The following SPMIP2 variants were observed in gnomAD, a reference collection of about 807,000 sequenced individuals.
The protein encoded by SPMIP2 is sperm microtubule inner protein 2.
At chr4:159,079,656 C>T in the SPMIP2 span, among the ~76,000 whole-genome samples, 30 of 152,202 alleles carry the variant, frequency 2.0e-4, no homozygotes, top group African/African-American at 7.0e-4. Context: ...ATATTTAAAG[C>T]ACAAAAATTT....
the SPMIP2 span, among the ~76,000 whole-genome samples, chr4:158,946,627 A>G: frequency 6.6e-5 from 10 of 152,140 alleles, no homozygotes. Context: ...AGAACTGTGC[A>G]CCAATTAAAC....
the SPMIP2 span, among the ~76,000 whole-genome samples, chr4:158,988,231 G>A: frequency 2.0e-5 from 3 of 152,170 alleles, no homozygotes; most frequent in Admixed American, 6.6e-5. Context: ...AACAAGTTCT[G>A]AAATTGAGGC....
the SPMIP2 span, among the ~76,000 whole-genome samples, chr4:158,981,722 G>T: frequency 6.7e-6 from 1 of 149,774 alleles, no homozygotes; most frequent in African/African-American, 2.5e-5. Context: ...AACATGGAGG[G>T]GAACAACTGG....
At chr4:158,926,874 AG>A in the SPMIP2 span, among the ~76,000 whole-genome samples, 1 of 152,206 alleles carries the variant, frequency 6.6e-6, no homozygotes, top group African/African-American at 2.4e-5. Flanking sequence ...GAGGGCACTG[AG>A]GTTGAAAAAT....
At chr4:159,077,303 C>T in the SPMIP2 span, among the ~76,000 whole-genome samples, 231 of 151,734 alleles carry the variant, frequency 1.5e-3, no homozygotes, top group African/African-American at 5.0e-3. Flanking sequence ...CCTGCCACCA[C>T]GCCTGGCTAA....
the SPMIP2 span, among the ~76,000 whole-genome samples, chr4:158,921,884 CTTTTTTT>C: frequency 1.8e-4 from 16 of 91,324 alleles, no homozygotes; most frequent in African/African-American, 6.4e-4. Context: ...CTTCTACATA[CTTTTTTT>C]TTTTTTTTTT....
chr4:158,943,862 T>C, the SPMIP2 span, among the ~76,000 whole-genome samples: 3 of 133,676 alleles, frequency 2.2e-5, no homozygotes, highest in South Asian at 5.1e-4. Flanking sequence ...CATTTTCTTT[T>C]TTTTTTTTTT....
the SPMIP2 span, among the ~76,000 whole-genome samples, chr4:158,927,504 T>G: frequency 6.6e-6 from 1 of 152,258 alleles, no homozygotes; most frequent in Non-Finnish European, 1.5e-5. Context: ...TCACCCAGGC[T>G]GCAGTGCAGT....
chr4:159,032,784 T>TA, the SPMIP2 span, among the ~76,000 whole-genome samples: 2 of 150,612 alleles, frequency 1.3e-5, no homozygotes, highest in African/African-American at 2.4e-5. Context: ...GACCTTTCTT[T>TA]TTTTTTTTTT....
the SPMIP2 span, among the ~76,000 whole-genome samples, chr4:158,977,853 A>T: frequency 1.3e-5 from 2 of 151,970 alleles, no homozygotes; most frequent in South Asian, 2.1e-4. Context: ...TGACCTCGTG[A>T]TCTGCGCACC....
chr4:158,903,345 A>C, the SPMIP2 span, among the ~76,000 whole-genome samples: 3 of 152,150 alleles, frequency 2.0e-5, no homozygotes, highest in Non-Finnish European at 4.4e-5. Flanking sequence ...AGCCGGGTAC[A>C]TCAGTTGGAA....
the SPMIP2 span, among the ~76,000 whole-genome samples, chr4:159,049,692 T>G: frequency 6.6e-6 from 1 of 152,240 alleles, no homozygotes; most frequent in Non-Finnish European, 1.5e-5. Context: ...TAAAGGTATT[T>G]ATTCTTTAGA....
the SPMIP2 span, among the ~76,000 whole-genome samples, chr4:158,999,431 G>T: frequency 6.6e-6 from 1 of 152,130 alleles, no homozygotes; most frequent in African/African-American, 2.4e-5. Context: ...TTAGGCCAGG[G>T]TAATTTAGAC....
chr4:159,022,563 C>CT, the SPMIP2 span, among the ~76,000 whole-genome samples: 1 of 152,130 alleles, frequency 6.6e-6, no homozygotes, highest in Admixed American at 6.6e-5. Flanking sequence ...TGGTGTGCTT[C>CT]TTTAACATGC....
the SPMIP2 span, among the ~76,000 whole-genome samples, chr4:158,981,835 A>ATT: frequency 8.0e-6 from 1 of 124,506 alleles, no homozygotes; most frequent in Non-Finnish European, 1.7e-5. Context: ...AAAAAAAAAG[A>ATT]GCTAGCATAA....
At chr4:158,921,695 G>A in the SPMIP2 span, among the ~76,000 whole-genome samples, 97,058 of 151,880 alleles carry the variant, frequency 0.64, 31,433 homozygotes, top group East Asian at 0.9. Context: ...ATAGCAGTGC[G>A]AGAAAACATT....
At chr4:158,981,739 C>T in the SPMIP2 span, among the ~76,000 whole-genome samples, 1 of 139,678 alleles carries the variant, frequency 7.2e-6, no homozygotes, top group African/African-American at 2.7e-5. Flanking sequence ...CTGGTATCAG[C>T]CACTGCAAAA....
the SPMIP2 span, among the ~76,000 whole-genome samples, chr4:158,999,997 A>G: frequency 6.6e-6 from 1 of 152,174 alleles, no homozygotes; most frequent in African/African-American, 2.4e-5. Flanking sequence ...AAGTCATTTC[A>G]TCTTCCTTGG....
the SPMIP2 span, chr4:158,915,043 T>C: frequency 1.3e-6 from 1 of 780,868 alleles, no homozygotes; most frequent in East Asian, 2.7e-5. Context: ...AATTACAAAA[T>C]GCTTCGATAG....
Sources: gnomAD v4.1 joint callset for allele counts (sites outside exome capture counted in the v4.1 genomes callset) on GRCh38, gnomAD v4.1.1 for gene constraint, MANE v1.5 for transcripts, NCBI Gene and HGNC (gene_info 2026-07-23, HGNC 2026-07-21) for gene names.